The following EPAS1 variants were observed in gnomAD, a reference collection of about 807,000 sequenced individuals.
The protein encoded by EPAS1 is endothelial PAS domain protein 1.
EPAS1 carries 23 observed loss-of-function variants against 87.9 expected under a neutral mutation model. The ratio of observed to expected loss-of-function variants is 0.26; its 90% CI spans 0.19 to 0.37. EPAS1 has a LOEUF of 0.37. EPAS1 is among the 10% of genes least tolerant of loss of function. The pLI is 1.00. For synonymous variants in EPAS1, 508 were observed against 444.3 expected, an observed-to-expected ratio of 1.14 and a Z score of -1.80; for missense variants, 1,138 against 1,120.7, an observed-to-expected ratio of 1.02 and a Z score of -0.22.
rs76132688 is a variant in EPAS1, at chr2:46,365,039, G to C, written c.779+3949G>C. ...CCCAAGTAGTTTAACTTTAAAATAG[G>C]GTGGTTCTTAAATTCATGTGGAGGT... On this transcript the variant is annotated intron_variant, in intron 6 of 15. Coordinates refer to ENST00000263734, the MANE Select transcript of EPAS1 (RefSeq NM_001430.5). Among the ~76,000 whole-genome samples the C allele has an allele frequency of 2.9e-3, 449 of 152,292 alleles. 2 individuals are homozygous for C. Among genetic ancestry groups the C allele is most frequent in the African/African-American group, 0.01 (430 of 41,564 alleles).
At chr2:46,308,845 C>T (rs991675386) in intron 1 of EPAS1, among the ~76,000 whole-genome samples, 4 of 152,216 alleles carry the variant, frequency 2.6e-5, no homozygotes, top group African/African-American at 9.7e-5. Flanking sequence ...CAGAGATCAT[C>T]TTCCCTGGGA....
chr2:46,302,168 G>A (rs1014905015), intron 1 of EPAS1, among the ~76,000 whole-genome samples: 30 of 148,802 alleles, frequency 2.0e-4, no homozygotes, highest in Non-Finnish European at 1.6e-4. Context: ...GTCGGGGGGG[G>A]GGGCAGTGGT....
At position 46,369,848 on chromosome 2, in the gene EPAS1, C is replaced by T. The variant is rs1334441337; in HGVS notation, c.801C>T (p.Tyr267=). The T allele has an allele frequency of 6.2e-7, 1 of 1,613,088 alleles. No homozygotes were observed. The change falls in exon 7 of 16, where the codon TAC becomes TAT. Residue 267 remains tyrosine (Y), a synonymous_variant. Coordinates refer to ENST00000263734, the MANE Select transcript of EPAS1 (RefSeq NM_001430.5). ...CDDRITELIG[Y]HPEELLGRSA... ...TCAGAATCACAGAACTGATTGGTTA[C>T]CACCCTGAGGAGCTGCTTGGCCGCT...
chr2:46,308,445 T>C (rs1683148891), intron 1 of EPAS1, among the ~76,000 whole-genome samples: 1 of 130,992 alleles, frequency 7.6e-6, no homozygotes, highest in African/African-American at 2.6e-5. Flanking sequence ...CCCTAATACC[T>C]TGCTTGCTTT....
chr2:46,310,275 C>T (rs1014828756), intron 1 of EPAS1, among the ~76,000 whole-genome samples: 5 of 152,158 alleles, frequency 3.3e-5, no homozygotes, highest in African/African-American at 1.2e-4. Context: ...TTGTCCCCCT[C>T]ATTATTTGAT....
rs755195044 is a variant in EPAS1 at position 46,381,959 on chromosome 2, C to A, written c.2173-16C>A. 7 of 1,532,532 alleles carry A rather than the reference C, an allele frequency of 4.6e-6. No individual in the cohort carries two copies. The Admixed American group carries it at 1.2e-4, about 27-fold the overall frequency. The allele number at this position is 1,532,532 out of a possible 1,614,324, so 94.9% of individuals were successfully genotyped here. A position where few individuals can be genotyped will look rare whatever the true frequency, so the allele number is the denominator to read the frequency against. ...TCTGGCCATTTCCCCTTTCCATCTGCCCTTCTTACTCCCAGGGGGACCCAC... is the reference window on the plus strand; with the variant it reads ...TCTGGCCATTTCCCCTTTCCATCTGACCTTCTTACTCCCAGGGGGACCCAC... On this transcript the variant is annotated splice_polypyrimidine_tract_variant and intron_variant, in intron 13 of 15. Coordinates refer to ENST00000263734, the MANE Select transcript of EPAS1 (RefSeq NM_001430.5).
rs1216230045 is a variant in EPAS1, at chr2:46,333,060, G to C, written c.27-13813G>C. Among the ~76,000 whole-genome samples the C allele has an allele frequency of 2.6e-5, 4 of 152,184 alleles. No homozygotes were observed. In the South Asian group the frequency reaches 6.2e-4, roughly 24 times the overall value. On this transcript the variant is annotated intron_variant, in intron 1 of 15. Coordinates refer to ENST00000263734, the MANE Select transcript of EPAS1 (RefSeq NM_001430.5). ...CTACTTCTGTGTGAAAACATCCTTAGTATACAGGGATTTGTTTCCTGGGGA... is the reference window on the plus strand; with the variant it reads ...CTACTTCTGTGTGAAAACATCCTTACTATACAGGGATTTGTTTCCTGGGGA...
At position 46,297,561 on chromosome 2, in the gene EPAS1, CTTT is replaced by C; in HGVS notation, c.-343_-341del. 2 of 303,238 alleles carry C rather than the reference CTTT, an allele frequency of 6.6e-6. No homozygotes were observed. Among genetic ancestry groups the C allele is most frequent in the South Asian group, 3.0e-5 (1 of 33,510 alleles). 18.8% of individuals were successfully genotyped at this position (303,238 alleles called of 1,614,324 possible). A position where few individuals can be genotyped will look rare whatever the true frequency, so the allele number is the denominator to read the frequency against. On this transcript the variant is annotated 5_prime_UTR_variant, in exon 1 of 16. Transcript: ENST00000263734. ...CTTCCGACTCCCAGCATTCGAGCCA[CTTT>C]TTTTTTTCTTTGAAAACTCAGAAAA... is the stretch of plus-strand genomic sequence containing the variant.
intron 4 of EPAS1, among the ~76,000 whole-genome samples, chr2:46,358,622 CA>C (rs1684318826): frequency 6.6e-6 from 1 of 152,198 alleles, no homozygotes; most frequent in South Asian, 2.1e-4. Flanking sequence ...TTGGACTAGG[CA>C]AAGGCGACAA....
chr2:46,370,350 G>A (rs116820385), intron 7 of EPAS1, among the ~76,000 whole-genome samples: 1,525 of 152,374 alleles, frequency 0.01, 20 homozygotes, highest in Admixed American at 0.02. Context: ...TACATTCACA[G>A]AAGAGGAGGG....
intron 6 of EPAS1, among the ~76,000 whole-genome samples, chr2:46,362,507 C>T (rs915404160): frequency 8.5e-5 from 13 of 152,186 alleles, no homozygotes; most frequent in African/African-American, 2.9e-4. Context: ...ACCCCCAGAT[C>T]AGCAAGAATC....
At chr2:46,370,281 AG>A (rs1279536582) in intron 7 of EPAS1, among the ~76,000 whole-genome samples, 3 of 152,226 alleles carry the variant, frequency 2.0e-5, no homozygotes, top group African/African-American at 7.2e-5. Context: ...ACAGCACTGT[AG>A]AGAGTAAAAT....
chr2:46,351,814 G>A (rs1054106069), intron 2 of EPAS1, among the ~76,000 whole-genome samples: 4 of 152,194 alleles, frequency 2.6e-5, no homozygotes, highest in Admixed American at 2.6e-4. Flanking sequence ...CAGCAGCACC[G>A]TGGGGCAGCC....
chr2:46,365,642 A>G (rs1256158612), intron 6 of EPAS1, among the ~76,000 whole-genome samples: 4 of 152,264 alleles, frequency 2.6e-5, no homozygotes, highest in African/African-American at 9.6e-5. Context: ...TTAATTACAG[A>G]GCTGGTTGTA....
intron 1 of EPAS1, among the ~76,000 whole-genome samples, chr2:46,315,206 AC>A (rs1451321780): frequency 1.3e-5 from 2 of 152,188 alleles, no homozygotes; most frequent in Admixed American, 1.3e-4. Context: ...ATGTGAGGCA[AC>A]CCATGCAGGC....
chr2:46,379,055 G>T (rs1458135252), intron 11 of EPAS1, among the ~76,000 whole-genome samples: 1 of 152,160 alleles, frequency 6.6e-6, no homozygotes, highest in East Asian at 1.9e-4. Context: ...CTTTAAACAG[G>T]CCCTACATTT....
chr2:46,382,053 A>C lies in EPAS1; in HGVS notation c.2251A>C (p.Met751Leu). The C allele has an allele frequency of 6.2e-7, 1 of 1,613,734 alleles. No individual in the cohort carries two copies. Among genetic ancestry groups the C allele is most frequent in the Non-Finnish European group, 8.5e-7 (1 of 1,179,968 alleles). The change falls in exon 14 of 16, where the codon ATG (methionine) becomes CTG (leucine). Residue 751 changes from methionine to leucine, a missense_variant. Coordinates refer to ENST00000263734, the MANE Select transcript of EPAS1 (RefSeq NM_001430.5). ...KNLRGGSCPLMPDKPLSANVP... is the reference protein window; with the variant it reads ...KNLRGGSCPLLPDKPLSANVP... Reference sequence around the variant, plus strand: ...CCTCAGGGGTGGGAGCTGCCCTTTGATGCCGGACAAGCCACTGAGCGCAAA... The same window carrying C: ...CCTCAGGGGTGGGAGCTGCCCTTTGCTGCCGGACAAGCCACTGAGCGCAAA...
chr2:46,298,067 G>T (rs1682922195), intron 1 of EPAS1, 130 bp downstream of exon 1: 4 of 1,137,942 alleles, frequency 3.5e-6, no homozygotes, highest in Non-Finnish European at 5.1e-6. Flanking sequence ...TCGGTTTGGA[G>T]GGCTGTGAGG....
Position 46,369,847 on chromosome 2 carries a change from A to G in EPAS1, c.800A>G (p.Tyr267Cys). The change falls in exon 7 of 16, where the codon TAC becomes TGC. Residue 267 changes from tyrosine (Y) to cysteine (C), a missense_variant. Physicochemically the swap from Tyr to Cys is radical, Grantham distance 194 (BLOSUM62 -2). Around this residue, in one of 4 missense-constraint regions of EPAS1, gnomAD observed 351 missense variants for 417.1 expected, o/e 0.84. Coordinates refer to ENST00000263734, the MANE Select transcript of EPAS1 (RefSeq NM_001430.5). ...CDDRITELIG[Y>C]HPEELLGRSA... ...CTCAGAATCACAGAACTGATTGGTT[A>G]CCACCCTGAGGAGCTGCTTGGCCGC... 6.2e-7 allele frequency: 1 copy of G among 1,613,042 alleles called. No homozygotes were observed. The highest frequency in any genetic ancestry group is 8.5e-7 in the Non-Finnish European group (1 of 1,179,586).
Sources: gnomAD v4.1 joint callset for allele counts (sites outside exome capture counted in the v4.1 genomes callset) on GRCh38, gnomAD v4.1.1 for gene constraint, gnomAD v4.1.1 regional missense constraint, MANE v1.5 for transcripts, NCBI Gene and HGNC (gene_info 2026-07-23, HGNC 2026-07-21) for gene names.